BMP6: variants seen among roughly 807,000 people sequenced by gnomAD.
BMP6 encodes VG-1-R.
In BMP6, 17 loss-of-function variants were observed where a neutral mutation model predicts 54.1. The ratio of observed to expected loss-of-function variants is 0.31; its 90% CI spans 0.22 to 0.47. The LOEUF is 0.47. Among genes scored for constraint, BMP6 ranks in the 20% least tolerant of loss-of-function variants. The probability of loss-of-function intolerance (pLI) is 1.00; values close to 1 mark genes in which losing one functional copy is unlikely to be tolerated. For synonymous variants in BMP6, 328 were observed against 291.2 expected (o/e 1.13, Z -1.28); for missense variants, 720 against 690.4 (o/e 1.04, Z -0.48).
chr6:7,879,021 T>G, intron 4 of BMP6, 53 bp from the exon 5 acceptor site: 90 of 1,535,286 alleles, frequency 5.9e-5, no homozygotes, highest in Non-Finnish European at 7.5e-5. Context: ...AAGGAATTAA[T>G]GAGTTGATGG....
chr6:7,868,872 C>T (rs959929458), intron 4 of BMP6, among the ~76,000 whole-genome samples: 1 of 152,060 alleles, frequency 6.6e-6, no homozygotes, highest in Non-Finnish European at 1.5e-5. Context: ...ACCTCTCTCC[C>T]TCTCCCTCCC....
At chr6:7,874,562 C>A (rs1759576802) in intron 4 of BMP6, among the ~76,000 whole-genome samples, 1 of 152,058 alleles carries the variant, frequency 6.6e-6, no homozygotes, top group Non-Finnish European at 1.5e-5. Flanking sequence ...TCAGGACCAG[C>A]CTAGGCAACA....
In BMP6 at chr6:7,727,403, G is replaced by A. The variant is rs767033014; in HGVS notation, c.448G>A (p.Asp150Asn). Residue 150 changes from aspartate (D) to asparagine (N), a missense_variant, in exon 1 of 7, where the codon GAC becomes AAC. Coordinates refer to ENST00000283147, the MANE Select transcript of BMP6 (RefSeq NM_001718.6). ...CGCCCTGTCCGCCGACAACGACGAG[G>A]ACGGGGCGTCGGAGGGGGAGAGGCA... ...YNALSADNDE[D>N]GASEGERQQS... 5.6e-6 allele frequency: 9 copies of A among 1,607,202 alleles called. No individual in the cohort carries two copies. Among genetic ancestry groups the A allele is most frequent in the Non-Finnish European group, 7.6e-6 (9 of 1,177,690 alleles).
At chr6:7,872,294 A>T (rs750664208) in intron 4 of BMP6, among the ~76,000 whole-genome samples, 18 of 62,532 alleles carry the variant, frequency 2.9e-4, no homozygotes, top group Middle Eastern at 6.3e-3. Flanking sequence ...CAATCTGTTT[A>T]AAAAAAAAAA....
At chr6:7,752,894 A>C (rs1432479995) in intron 1 of BMP6, among the ~76,000 whole-genome samples, 1 of 152,110 alleles carries the variant, frequency 6.6e-6, no homozygotes, top group Non-Finnish European at 1.5e-5. Context: ...TGGTAGTGCC[A>C]GCTTATTATC....
intron 4 of BMP6, among the ~76,000 whole-genome samples, chr6:7,867,458 G>A (rs1301445696): frequency 6.6e-6 from 1 of 152,192 alleles, no homozygotes; most frequent in Admixed American, 6.5e-5. Context: ...CAGACTGGGG[G>A]TCTCATTGTT....
intron 1 of BMP6, among the ~76,000 whole-genome samples, chr6:7,733,965 T>C (rs1581224952): frequency 7.3e-6 from 1 of 137,320 alleles, no homozygotes; most frequent in Non-Finnish European, 1.5e-5. Context: ...GCATTCCCCC[T>C]GTTCACCTTT....
intron 1 of BMP6, among the ~76,000 whole-genome samples, chr6:7,814,629 A>G (rs2113215956): frequency 6.6e-6 from 1 of 152,258 alleles, no homozygotes; most frequent in Admixed American, 6.5e-5. Flanking sequence ...TCTTCAAGCC[A>G]TTGGCAGGAG....
chr6:7,743,449 C>G (rs1757300712), intron 1 of BMP6, among the ~76,000 whole-genome samples: 1 of 152,186 alleles, frequency 6.6e-6, no homozygotes, highest in African/African-American at 2.4e-5. Context: ...CTATTCTCCT[C>G]TCAGTGTTGG....
intron 1 of BMP6, among the ~76,000 whole-genome samples, chr6:7,821,550 C>T (rs1273109027): frequency 1.3e-5 from 2 of 152,106 alleles, no homozygotes; most frequent in African/African-American, 4.8e-5. Flanking sequence ...AGGAATGACT[C>T]CTGTAGTTAT....
In BMP6 at chr6:7,880,372, T is replaced by A. The variant is rs773759033; in HGVS notation, c.*29T>A. The A allele has an allele frequency of 1.4e-5, 22 of 1,613,116 alleles. No homozygotes were observed. The highest frequency in any genetic ancestry group is 1.9e-5 in the Non-Finnish European group (22 of 1,179,178). ...GAAACCAGATGCTGGGGACACACAT[T>A]CTGCCTTGGATTCCTAGATTACATC... is the stretch of plus-strand genomic sequence containing the variant. On this transcript the variant is annotated 3_prime_UTR_variant, in exon 7 of 7. Coordinates refer to ENST00000283147, the MANE Select transcript of BMP6 (RefSeq NM_001718.6).
At chr6:7,738,461 C>CGTG (rs1379126629) in intron 1 of BMP6, among the ~76,000 whole-genome samples, 1 of 152,154 alleles carries the variant, frequency 6.6e-6, no homozygotes, top group African/African-American at 2.4e-5. Flanking sequence ...TAAGAGGGAA[C>CGTG]GTGGCTTCCT....
In BMP6 at chr6:7,861,454, C is replaced by T; in HGVS notation, c.861C>T (p.Asp287=). Residue 287 remains aspartate, a synonymous_variant, in exon 3 of 7, where the codon GAC becomes GAT. Coordinates refer to ENST00000283147, the MANE Select transcript of BMP6 (RefSeq NM_001718.6). ...GGCCATTTTTTCTTTCTTTCAGAGA[C>T]TCTGACCTGTTTTTGTTGGACACCC... ...YQVLQEHQHR[D]SDLFLLDTRV... The T allele has an allele frequency of 6.2e-7, 1 of 1,613,984 alleles. No homozygotes were observed. The highest frequency in any genetic ancestry group is 8.5e-7 in the Non-Finnish European group (1 of 1,179,964).
At chr6:7,744,949 A>G (rs950865257) in intron 1 of BMP6, among the ~76,000 whole-genome samples, 2 of 152,192 alleles carry the variant, frequency 1.3e-5, no homozygotes, top group African/African-American at 4.8e-5. Flanking sequence ...CGCCTCCAGT[A>G]TCAGTGCCCA....
intron 1 of BMP6, among the ~76,000 whole-genome samples, chr6:7,776,297 G>A (rs184491298): frequency 8.5e-4 from 129 of 152,266 alleles, no homozygotes; most frequent in Non-Finnish European, 1.5e-3. Context: ...TGGCCCAAGG[G>A]CTTTATCTAG....
At chr6:7,863,605 G>T (rs1759371176) in intron 4 of BMP6, among the ~76,000 whole-genome samples, 1 of 152,146 alleles carries the variant, frequency 6.6e-6, no homozygotes, top group South Asian at 2.1e-4. Flanking sequence ...CCTGAACTGT[G>T]TGCTCACCCG....
intron 1 of BMP6, among the ~76,000 whole-genome samples, chr6:7,754,644 C>T (rs770580547): frequency 1.1e-4 from 16 of 152,172 alleles, no homozygotes; most frequent in Non-Finnish European, 1.2e-4. Flanking sequence ...TCATCTTTGT[C>T]TGAAATTAAT....
At position 7,727,609 on chromosome 6, in the gene BMP6, T is replaced by C. The variant is rs1454041497; in HGVS notation, c.654T>C (p.Phe218=). The C allele has an allele frequency of 1.9e-6, 3 of 1,556,002 alleles. No homozygotes were observed. The highest frequency in any genetic ancestry group is 2.3e-5 in the East Asian group (1 of 43,338). The stretch of plus-strand genomic sequence containing the variant: ...ACGACGCGGACATGGTCATGAGCTT[T>C]GTGAACCTGGGTAAGGATTTGGGGT... ...FLNDADMVMS[F]VNLVEYDKEF... The change falls in exon 1 of 7, where the codon TTT becomes TTC. Residue 218 remains phenylalanine, a synonymous_variant. Transcript: ENST00000283147.
chr6:7,766,526 G>A (rs1757691173), intron 1 of BMP6, among the ~76,000 whole-genome samples: 1 of 152,168 alleles, frequency 6.6e-6, no homozygotes, highest in Non-Finnish European at 1.5e-5. Context: ...GCTGAGGCAG[G>A]AGAATCACTT....
Sources: allele counts gnomAD v4.1 joint callset (sites outside exome capture counted in the v4.1 genomes callset), GRCh38; gene constraint gnomAD v4.1.1; transcripts MANE v1.5; gene names NCBI Gene and HGNC (gene_info 2026-07-23, HGNC 2026-07-21).